PLEKHA6: variants seen among roughly 807,000 people sequenced by gnomAD.
The protein encoded by PLEKHA6 is pleckstrin homology domain containing A6.
In PLEKHA6, 60 loss-of-function variants were observed where a neutral mutation model predicts 116.7. That is an observed-to-expected ratio of 0.51 (90% confidence interval 0.42 to 0.64). The LOEUF is 0.64. PLEKHA6 is among the 30% of genes least tolerant of loss of function. The pLI, the probability that PLEKHA6 is intolerant of heterozygous loss-of-function variation, is 0.00. For missense variants in PLEKHA6, 1,338 were observed against 1,422.7 expected (o/e 0.94, Z 0.96); for synonymous variants, 489 against 556.1 (o/e 0.88, Z 1.70).
chr1:204,340,453 C>T (rs748016481), intron 1 of PLEKHA6, among the ~76,000 whole-genome samples: 6 of 152,194 alleles, frequency 3.9e-5, no homozygotes, highest in African/African-American at 2.4e-5. Context: ...GAGACACTCC[C>T]GTACCAGCAC....
rs180746812 is a variant in PLEKHA6, at chr1:204,293,884, G to A, written c.-94-19075C>T. Among the ~76,000 whole-genome samples the A allele has an allele frequency of 5.8e-3, 889 of 152,208 alleles. 8 individuals carry two copies. The highest frequency in any genetic ancestry group is 0.02 in the African/African-American group (843 of 41,520). On this transcript the variant is annotated intron_variant, in intron 1 of 22. Coordinates refer to ENST00000272203, the MANE Select transcript of PLEKHA6 (RefSeq NM_014935.5). Reference sequence around the variant, plus strand: ...TGCATGAACATGGAGAAAGGCTGAGGGACTTTCCAGACTGAGAGGAAAGAG... The same window carrying A: ...TGCATGAACATGGAGAAAGGCTGAGAGACTTTCCAGACTGAGAGGAAAGAG...
intron 1 of PLEKHA6, among the ~76,000 whole-genome samples, chr1:204,335,857 T>C (rs953281648): frequency 4.3e-4 from 66 of 152,208 alleles, no homozygotes; most frequent in African/African-American, 1.4e-3. Context: ...CCCATAGCTT[T>C]GGCTCTGCCA....
At chr1:204,266,772 T>G (rs1381009876) in intron 5 of PLEKHA6, among the ~76,000 whole-genome samples, 2 of 152,152 alleles carry the variant, frequency 1.3e-5, no homozygotes, top group African/African-American at 4.8e-5. Context: ...CTCTCCTGCT[T>G]CATAACAATT....
chr1:204,367,059 C>T (rs557928847), intron 3 of PLEKHA6, among the ~76,000 whole-genome samples: 4 of 152,318 alleles, frequency 2.6e-5, no homozygotes, highest in East Asian at 3.9e-4. Context: ...GGCCTGGGCA[C>T]GCTGAGCCTC....
intron 1 of PLEKHA6, among the ~76,000 whole-genome samples, chr1:204,310,550 A>C (rs1356079953): frequency 1.3e-5 from 2 of 152,198 alleles, no homozygotes; most frequent in African/African-American, 4.8e-5. Flanking sequence ...TGTCATTTAC[A>C]TACAACCTTG....
At chr1:204,334,476 G>C (rs1672569302) in intron 1 of PLEKHA6, among the ~76,000 whole-genome samples, 1 of 152,138 alleles carries the variant, frequency 6.6e-6, no homozygotes, top group African/African-American at 2.4e-5. Flanking sequence ...AATAATGATT[G>C]CATCTATTTA....
chr1:204,248,131 G>A (rs553050300), intron 12 of PLEKHA6, among the ~76,000 whole-genome samples: 2 of 149,324 alleles, frequency 1.3e-5, no homozygotes, highest in South Asian at 2.1e-4. Flanking sequence ...TTACCTGCTG[G>A]GAAGTAGTGA....
intron 1 of PLEKHA6, among the ~76,000 whole-genome samples, chr1:204,330,628 GT>G (rs1217983034): frequency 3.9e-5 from 6 of 152,220 alleles, no homozygotes; most frequent in Non-Finnish European, 8.8e-5. Flanking sequence ...CCCTCAGGCT[GT>G]TCTTCCCTTC....
At chr1:204,350,151 C>T (rs1357671879) in intron 1 of PLEKHA6, among the ~76,000 whole-genome samples, 2 of 152,122 alleles carry the variant, frequency 1.3e-5, no homozygotes, top group Non-Finnish European at 2.9e-5. Flanking sequence ...GTGAAACCGT[C>T]TCTACCAAAA....
intron 1 of PLEKHA6, among the ~76,000 whole-genome samples, chr1:204,316,269 G>C (rs1256366218): frequency 6.6e-6 from 1 of 152,192 alleles, no homozygotes; most frequent in Admixed American, 6.5e-5. Flanking sequence ...CTGACAAGGG[G>C]AGGAGAGGCC....
At chr1:204,351,203 C>CG (rs71568026) in intron 1 of PLEKHA6, among the ~76,000 whole-genome samples, 1 of 143,496 alleles carries the variant, frequency 7.0e-6, no homozygotes, top group African/African-American at 2.5e-5. Flanking sequence ...TGGGGTGTGG[C>CG]GGGGGGGAGG....
At chr1:204,283,649 C>T (rs1668868372) in intron 1 of PLEKHA6, among the ~76,000 whole-genome samples, 1 of 152,162 alleles carries the variant, frequency 6.6e-6, no homozygotes, top group South Asian at 2.1e-4. Flanking sequence ...AGCTCCCTGC[C>T]CCTAGGAAAG....
rs1338893727 is a variant in PLEKHA6 at position 204,235,008 on chromosome 1, A to C, written c.2410-4422T>G. Among the ~76,000 whole-genome samples the C allele has an allele frequency of 4.6e-4, 8 of 17,244 alleles. No individual in the cohort carries two copies. In the South Asian group the frequency reaches 7.7e-3, roughly 17 times the overall value. The allele number at this position is 17,244 out of a possible 152,430, so 11.3% of individuals were successfully genotyped here. ...TATATATATATATATATATATATATATATATCTAATAGCAGATATATATAT... is the reference window on the plus strand; with the variant it reads ...TATATATATATATATATATATATATCTATATCTAATAGCAGATATATATAT... On this transcript the variant is annotated intron_variant, in intron 17 of 22. Coordinates refer to ENST00000272203, the MANE Select transcript of PLEKHA6 (RefSeq NM_014935.5).
At chr1:204,350,172 T>G (rs1279124999) in intron 1 of PLEKHA6, among the ~76,000 whole-genome samples, 8 of 152,008 alleles carry the variant, frequency 5.3e-5, no homozygotes, top group African/African-American at 1.9e-4. Context: ...AATACAAAAA[T>G]TAGCTGGGCA....
At chr1:204,274,032 C>A (rs1185435609) in intron 2 of PLEKHA6, among the ~76,000 whole-genome samples, 1 of 152,166 alleles carries the variant, frequency 6.6e-6, no homozygotes, top group Admixed American at 6.5e-5. Context: ...TGCCTAGGCT[C>A]AAGTGATCTT....
rs138106364 is a variant in PLEKHA6 at position 204,274,872 on chromosome 1, C to T, written c.-94-63G>A. 770 of 984,638 alleles carry T rather than the reference C, an allele frequency of 7.8e-4. 1 individual carries two copies. The highest frequency in any genetic ancestry group is 6.5e-3 in the African/African-American group (373 of 56,962). 61.0% of individuals were successfully genotyped at this position (984,638 alleles called of 1,614,324 possible). The stretch of plus-strand genomic sequence containing the variant: ...AAGAAGGCAGAGACAAAAGCCAATG[C>T]GTGGACAGACCCTGGGTGGTGACAG... On this transcript the variant is annotated intron_variant, in intron 1 of 22. Transcript: ENST00000272203.
In PLEKHA6 at chr1:204,230,428, C is replaced by G. The variant is rs1196579567; in HGVS notation, c.2568G>C (p.Arg856=). 3 of 1,581,326 alleles carry G rather than the reference C, an allele frequency of 1.9e-6. No individual in the cohort carries two copies. The highest frequency in any genetic ancestry group is 2.6e-6 in the Non-Finnish European group (3 of 1,164,504). The change falls in exon 18 of 23, where the codon CGG becomes CGC. Residue 856 remains arginine, a synonymous_variant. Transcript: ENST00000272203. ...PASPAPDPSP[R]PAYKVVRRHR... is the part of the protein sequence containing the mutation. ...AAGGCATTACCACTTTGTAGGCTGG[C>G]CGGGGACTGGGGTCGGGGGCCGGGC...
chr1:204,373,464 C>A (rs988775370), intron 1 of PLEKHA6, among the ~76,000 whole-genome samples: 1 of 152,146 alleles, frequency 6.6e-6, no homozygotes, highest in Non-Finnish European at 1.5e-5. Context: ...AAGTGATCCT[C>A]CTGCCTTGGC....
chr1:204,355,126 C>G, intron 1 of PLEKHA6, among the ~76,000 whole-genome samples: 1 of 152,222 alleles, frequency 6.6e-6, no homozygotes, highest in East Asian at 1.9e-4. Flanking sequence ...TAGTCTTGAA[C>G]AAGGAGACTT....
Sources: gnomAD v4.1 joint callset for allele counts (sites outside exome capture counted in the v4.1 genomes callset) on GRCh38, gnomAD v4.1.1 for gene constraint, MANE v1.5 for transcripts, NCBI Gene and HGNC (gene_info 2026-07-23, HGNC 2026-07-21) for gene names.